The following RAPGEF6 variants were observed in gnomAD, a reference collection of about 807,000 sequenced individuals.
RAPGEF6 encodes PDZ domain containing guanine nucleotide exchange factor (GEF) 2.
In RAPGEF6, 56 loss-of-function variants were observed where a neutral mutation model predicts 171.4. That is an observed-to-expected ratio of 0.33 (90% CI 0.26 to 0.41). RAPGEF6 has a LOEUF of 0.41. Ranked by LOEUF, RAPGEF6 falls within the 10% of genes least tolerant of loss-of-function variation. The pLI is 1.00. For missense variants in RAPGEF6, 1,674 were observed against 1,921.4 expected (o/e 0.87, Z 2.41); for synonymous variants, 692 against 650.1 (o/e 1.06, Z -0.98).
intron 2 of RAPGEF6, 78 bp downstream of exon 2, chr5:131,604,545 G>A: frequency 6.8e-7 from 1 of 1,479,172 alleles, no homozygotes. Flanking sequence ...GGAATATAAA[G>A]GTGCTTAACA....
chr5:131,481,458 A>G (rs544820181), intron 15 of RAPGEF6, among the ~76,000 whole-genome samples: 1 of 152,084 alleles, frequency 6.6e-6, no homozygotes, highest in East Asian at 1.9e-4. Context: ...TCGAACTTCT[A>G]GGCTCAAGAG....
At chr5:131,594,018 A>G (rs1763741445) in intron 3 of RAPGEF6, among the ~76,000 whole-genome samples, 1 of 152,222 alleles carries the variant, frequency 6.6e-6, no homozygotes, top group Non-Finnish European at 1.5e-5. Flanking sequence ...TTAATAGCCA[A>G]CACAATGGGG....
chr5:131,623,109 G>A (rs565856071), intron 1 of RAPGEF6, among the ~76,000 whole-genome samples: 46 of 152,220 alleles, frequency 3.0e-4, no homozygotes, highest in Non-Finnish European at 5.1e-4. Context: ...AGGCAATTAC[G>A]TTAACACCTA....
At chr5:131,449,902 T>G (rs949644375) in intron 21 of RAPGEF6, 2 of 1,093,892 alleles carry the variant, frequency 1.8e-6, no homozygotes, top group African/African-American at 3.2e-5. Flanking sequence ...TTGTCAGGAA[T>G]GTAGGCTGAC....
chr5:131,534,740 T>C (rs1759648553), intron 6 of RAPGEF6, among the ~76,000 whole-genome samples: 1 of 152,110 alleles, frequency 6.6e-6, no homozygotes, highest in South Asian at 2.1e-4. Flanking sequence ...AGGTACTTTG[T>C]ATGTACATGA....
chr5:131,480,710 C>A (rs1350084342), intron 15 of RAPGEF6, among the ~76,000 whole-genome samples: 2 of 151,980 alleles, frequency 1.3e-5, no homozygotes, highest in Non-Finnish European at 2.9e-5. Flanking sequence ...AACTCCTGAC[C>A]TCAGGTGATT....
At chr5:131,612,381 A>G (rs1764987083) in intron 1 of RAPGEF6, among the ~76,000 whole-genome samples, 1 of 152,036 alleles carries the variant, frequency 6.6e-6, no homozygotes, top group Non-Finnish European at 1.5e-5. Flanking sequence ...ACTGTAGGCT[A>G]ATGTAAGTGT....
At chr5:131,453,325 A>G (rs1046607552) in intron 20 of RAPGEF6, 148 bp from the exon 21 acceptor site, 2 of 1,349,706 alleles carry the variant, frequency 1.5e-6, no homozygotes, top group Non-Finnish European at 1.9e-6. Context: ...ATACCCATAC[A>G]TGGTTCAACC....
At chr5:131,528,077 T>C (rs1199047498) in intron 6 of RAPGEF6, among the ~76,000 whole-genome samples, 4 of 57,716 alleles carry the variant, frequency 6.9e-5, no homozygotes, top group Non-Finnish European at 1.3e-4. Flanking sequence ...AATTTATAAT[T>C]TATATTATAT....
intron 15 of RAPGEF6, among the ~76,000 whole-genome samples, chr5:131,486,886 A>G (rs1330712910): frequency 6.6e-6 from 1 of 152,032 alleles, no homozygotes; most frequent in Non-Finnish European, 1.5e-5. Context: ...TCTCCTTTAA[A>G]TATTTTCTCC....
At chr5:131,514,498 C>A in intron 7 of RAPGEF6, among the ~76,000 whole-genome samples, 1 of 151,836 alleles carries the variant, frequency 6.6e-6, no homozygotes, top group African/African-American at 2.4e-5. Context: ...GAAATGTGAC[C>A]TATAAACAGG....
chr5:131,495,217 C>T (rs1030289012), intron 13 of RAPGEF6, among the ~76,000 whole-genome samples: 1 of 151,880 alleles, frequency 6.6e-6, no homozygotes, highest in Non-Finnish European at 1.5e-5. Flanking sequence ...ATTGCTTGAA[C>T]CTGGAAAGCG....
chr5:131,441,650 T>C (rs1246278292), intron 23 of RAPGEF6, among the ~76,000 whole-genome samples: 1 of 152,220 alleles, frequency 6.6e-6, no homozygotes, highest in Admixed American at 6.5e-5. Flanking sequence ...TGTGTGAGTG[T>C]CTACATCACC....
rs1384798297 is a variant in RAPGEF6 at position 131,439,727 on chromosome 5, A to G, written c.3611-12T>C. On this transcript the variant is annotated splice_polypyrimidine_tract_variant and intron_variant, in intron 23 of 27. Transcript: ENST00000509018. Reference sequence around the variant, plus strand: ...AGGTAAACTTGTATCTAAAAATAAAACCAAAGATGCAAATAAGCATCGTTT... The same window carrying G: ...AGGTAAACTTGTATCTAAAAATAAAGCCAAAGATGCAAATAAGCATCGTTT... The G allele has an allele frequency of 6.2e-7, 1 of 1,608,122 alleles. No individual in the cohort carries two copies. The highest frequency in any genetic ancestry group is 1.7e-5 in the Admixed American group (1 of 59,334).
chr5:131,471,211 A>G (rs542595655), intron 17 of RAPGEF6, among the ~76,000 whole-genome samples: 1 of 152,338 alleles, frequency 6.6e-6, no homozygotes, highest in East Asian at 1.9e-4. Flanking sequence ...GTAATGACTC[A>G]TTAAATCTTT....
At chr5:131,473,049 C>G (rs1388632982) in intron 16 of RAPGEF6, 5 of 272,806 alleles carry the variant, frequency 1.8e-5, no homozygotes, top group Non-Finnish European at 3.5e-5. Context: ...TTAGGGAACC[C>G]TTCAAATTTG....
rs561840828 is a variant in RAPGEF6 at position 131,469,821 on chromosome 5, T to G, written c.2239+2766A>C. 4 of 1,521,516 alleles carry G rather than the reference T, an allele frequency of 2.6e-6. No individual in the cohort carries two copies. The South Asian group carries it at 3.6e-5, about 14-fold the overall frequency. 94.3% of individuals were successfully genotyped at this position (1,521,516 alleles called of 1,614,324 possible). A position where few individuals can be genotyped will look rare whatever the true frequency, so the allele number is the denominator to read the frequency against. ...CTTACAATAAAAACCAACAGCTGTATGCAGCAAAAATAAAGCAAAATCAAA... is the reference window on the plus strand; with the variant it reads ...CTTACAATAAAAACCAACAGCTGTAGGCAGCAAAAATAAAGCAAAATCAAA... On this transcript the variant is annotated intron_variant, in intron 17 of 27. Coordinates refer to ENST00000509018, the MANE Select transcript of RAPGEF6 (RefSeq NM_016340.6).
At chr5:131,558,317 G>A (rs1322073242) in intron 5 of RAPGEF6, among the ~76,000 whole-genome samples, 1 of 148,330 alleles carries the variant, frequency 6.7e-6, no homozygotes, top group East Asian at 2.0e-4. Flanking sequence ...AAAAATGTTT[G>A]CTAGATCGTA....
At chr5:131,613,385 G>A (rs778410290) in intron 1 of RAPGEF6, among the ~76,000 whole-genome samples, 4 of 152,086 alleles carry the variant, frequency 2.6e-5, no homozygotes, top group Non-Finnish European at 1.5e-5. Context: ...ACTCCAGCCT[G>A]GGCGACACAG....
Sources: allele counts gnomAD v4.1 joint callset (sites outside exome capture counted in the v4.1 genomes callset), GRCh38; gene constraint gnomAD v4.1.1; transcripts MANE v1.5; gene names NCBI Gene and HGNC (gene_info 2026-07-23, HGNC 2026-07-21).